Variants in BPNT1 observed in about 807,000 individuals in gnomAD.
The protein encoded by BPNT1 is 3'(2'), 5'-bisphosphate nucleotidase 1.
In BPNT1, 28 loss-of-function variants were observed where a neutral mutation model predicts 36.9. That is an observed-to-expected ratio of 0.76 (90% confidence interval 0.56 to 1.04). The LOEUF (loss-of-function observed/expected upper bound fraction) is 1.04. Ranked by LOEUF, BPNT1 falls within the 50% of genes least tolerant of loss-of-function variation. BPNT1 has a pLI of 0.00. For synonymous variants in BPNT1, 119 were observed against 130.9 expected, an observed-to-expected ratio of 0.91 and a Z score of 0.62; for missense variants, 313 against 372.9, an observed-to-expected ratio of 0.84 and a Z score of 1.32.
chr1:220,079,236 A>C (rs575717500), intron 2 of BPNT1, among the ~76,000 whole-genome samples: 1 of 152,104 alleles, frequency 6.6e-6, no homozygotes, highest in South Asian at 2.1e-4. Context: ...TCTTGGACGT[A>C]GAAAGTCTGG....
intron 2 of BPNT1, 139 bp downstream of exon 2, chr1:220,079,588 G>A: frequency 9.5e-7 from 1 of 1,054,682 alleles, no homozygotes; most frequent in Non-Finnish European, 1.4e-6. Flanking sequence ...GAACCCTTTA[G>A]AACCAAGCGT....
At position 220,058,041 on chromosome 1, in the gene BPNT1, G is replaced by A; in HGVS notation, c.*803C>T. The A allele has an allele frequency of 1.7e-6, 1 of 573,370 alleles. No homozygotes were observed. The highest frequency in any genetic ancestry group is 2.8e-5 in the South Asian group (1 of 35,990). The allele number at this position is 573,370 out of a possible 1,614,324, so 35.5% of individuals were successfully genotyped here. On this transcript the variant is annotated 3_prime_UTR_variant, in exon 9 of 9. Coordinates refer to ENST00000322067, the MANE Select transcript of BPNT1 (RefSeq NM_006085.6). ...AAATACAAAAAATTAGCCAGGCGTG[G>A]TGGCGGTGCCTGCAGTCCCAGCTAC...
Position 220,072,890 on chromosome 1 carries a change from T to G in BPNT1, c.293A>C (p.Gln98Pro), listed in dbSNP as rs760406349. Residue 98 changes from glutamine to proline, a missense_variant, in exon 4 of 9, where the codon CAA becomes CCA. Physicochemically the swap from Gln to Pro is moderately conservative, Grantham distance 76. Coordinates refer to ENST00000322067, the MANE Select transcript of BPNT1 (RefSeq NM_006085.6). ...AGCACTGTACTGCGATGGGCATGGT[T>G]GCTTCAGTATTTCTTCCCACTGACT... is the stretch of plus-strand genomic sequence containing the variant. ...EDSQWEEILK[Q>P]PCPSQYSAIK... The G allele has an allele frequency of 6.2e-7, 1 of 1,614,198 alleles. No homozygotes were observed. Among genetic ancestry groups the G allele is most frequent in the East Asian group, 2.2e-5 (1 of 44,874 alleles).
chr1:220,071,913 T>G (rs1165552854), intron 4 of BPNT1, among the ~76,000 whole-genome samples: 1 of 151,814 alleles, frequency 6.6e-6, no homozygotes, highest in East Asian at 2.0e-4. Context: ...TCTTGAACTC[T>G]CGACCTCAGG....
chr1:220,062,150 TTTA>T (rs1391284116), intron 7 of BPNT1, among the ~76,000 whole-genome samples: 4 of 152,070 alleles, frequency 2.6e-5, no homozygotes, highest in Non-Finnish European at 5.9e-5. Flanking sequence ...TTCTTTTTTT[TTTA>T]TTATTATACT....
chr1:220,065,971 T>A (rs1663496221), intron 6 of BPNT1: 2 of 684,552 alleles, frequency 2.9e-6, no homozygotes, highest in Non-Finnish European at 4.5e-6. Context: ...CTGGAGAAAA[T>A]GAACTGGTAT....
Position 220,058,492 on chromosome 1 carries a change from CCTAG to C in BPNT1, c.*348_*351del. 1 of 988,558 alleles carries C rather than the reference CCTAG, an allele frequency of 1.0e-6. No individual in the cohort carries two copies. Among genetic ancestry groups the C allele is most frequent in the Non-Finnish European group, 1.2e-6 (1 of 828,808 alleles). 61.2% of individuals were successfully genotyped at this position (988,558 alleles called of 1,614,324 possible). On this transcript the variant is annotated 3_prime_UTR_variant, in exon 9 of 9. Transcript: ENST00000322067. ...ATTATTTTGAGAACCAAGTCTTTCT[CCTAG>C]CTAAGTAAATGAAACTTTAAGTACT...
intron 2 of BPNT1, among the ~76,000 whole-genome samples, chr1:220,079,504 G>A (rs552221842): frequency 2.0e-5 from 3 of 151,932 alleles, no homozygotes; most frequent in East Asian, 1.9e-4. Context: ...CGCCTGCCTC[G>A]GTCTCCCAAA....
chr1:220,059,449 A>G (rs1313005609), intron 8 of BPNT1, among the ~76,000 whole-genome samples: 1 of 151,596 alleles, frequency 6.6e-6, no homozygotes, highest in African/African-American at 2.4e-5. Context: ...GGCTAAATTA[A>G]ATTAACTGTA....
At chr1:220,071,443 CA>C (rs1388828701) in intron 4 of BPNT1, among the ~76,000 whole-genome samples, 3 of 152,192 alleles carry the variant, frequency 2.0e-5, no homozygotes, top group Admixed American at 6.6e-5. Flanking sequence ...TACTAAATAA[CA>C]AATTAGATTT....
chr1:220,059,243 C>CTTTTTTTTT (rs11292010), intron 8 of BPNT1, among the ~76,000 whole-genome samples: 67 of 57,812 alleles, frequency 1.2e-3, no homozygotes, highest in Non-Finnish European at 1.2e-3. Flanking sequence ...ATTTTCTTTT[C>CTTTTTTTTT]TTTTTTTTTT....
At chr1:220,059,312 G>A (rs1389429428) in intron 8 of BPNT1, among the ~76,000 whole-genome samples, 1 of 113,808 alleles carries the variant, frequency 8.8e-6, no homozygotes, top group African/African-American at 3.5e-5. Flanking sequence ...CACAATCTCA[G>A]TTACTACAAC....
rs1021831981 is a variant in BPNT1 at position 220,070,606 on chromosome 1, C to T, written c.334-1174G>A. The stretch of plus-strand genomic sequence containing the variant: ...CCTCCCAAGTAGCTAGGACTACAGG[C>T]GCGCACCACCATGCCCAGCTAATTT... On this transcript the variant is annotated intron_variant, in intron 4 of 8. Coordinates refer to ENST00000322067, the MANE Select transcript of BPNT1 (RefSeq NM_006085.6). Among the ~76,000 whole-genome samples the T allele has an allele frequency of 5.3e-5, 8 of 151,924 alleles. No individual in the cohort carries two copies. In the East Asian group the frequency reaches 9.8e-4, roughly 19 times the overall value.
chr1:220,061,551 A>C (rs899036634), intron 7 of BPNT1, among the ~76,000 whole-genome samples: 1 of 149,580 alleles, frequency 6.7e-6, no homozygotes, highest in African/African-American at 2.5e-5. Flanking sequence ...AAAAAAAAAC[A>C]AAAAACTATT....
intron 6 of BPNT1, chr1:220,066,076 T>A: frequency 6.6e-7 from 1 of 1,523,732 alleles, no homozygotes; most frequent in Non-Finnish European, 8.8e-7. Context: ...TTCTCACCTT[T>A]GCTTCATTCC....
intron 4 of BPNT1, among the ~76,000 whole-genome samples, chr1:220,070,755 C>A (rs1165389836): frequency 2.0e-5 from 3 of 150,560 alleles, no homozygotes; most frequent in African/African-American, 7.3e-5. Flanking sequence ...AGCCACCTTA[C>A]CTGGCCCCAG....
At chr1:220,064,845 T>A (rs191586288) in intron 6 of BPNT1, among the ~76,000 whole-genome samples, 1 of 152,322 alleles carries the variant, frequency 6.6e-6, no homozygotes, top group African/African-American at 2.4e-5. Context: ...TCTTACTGTG[T>A]CGCCCAGGCT....
At chr1:220,079,574 G>A (rs993830693) in intron 2 of BPNT1, among the ~76,000 whole-genome samples, 153 bp downstream of exon 2, 18 of 152,182 alleles carry the variant, frequency 1.2e-4, no homozygotes, top group Non-Finnish European at 5.9e-5. Flanking sequence ...TCAAAGCAGA[G>A]ATGGAACCCT....
At chr1:220,083,946 T>C (rs1289909870) in intron 1 of BPNT1, among the ~76,000 whole-genome samples, 1 of 152,126 alleles carries the variant, frequency 6.6e-6, no homozygotes, top group Non-Finnish European at 1.5e-5. Context: ...GATATCATAA[T>C]CAAGCTAGAT....
Sources: gnomAD v4.1 joint callset for allele counts (sites outside exome capture counted in the v4.1 genomes callset) on GRCh38, gnomAD v4.1.1 for gene constraint, MANE v1.5 for transcripts, NCBI Gene and HGNC (gene_info 2026-07-23, HGNC 2026-07-21) for gene names.